The following PPP1R12B variants were observed in gnomAD, a reference collection of about 807,000 sequenced individuals.
PPP1R12B encodes protein phosphatase 1 regulatory subunit 12B, also known as myosin phosphatase target subunit 2.
A neutral mutation model predicts 126.1 loss-of-function variants in PPP1R12B; 76 were observed. The ratio of observed to expected loss-of-function variants is 0.60; its 90% CI spans 0.50 to 0.73. The LOEUF is 0.73. PPP1R12B is among the 30% of genes least tolerant of loss of function. The pLI is 0.00. For synonymous variants in PPP1R12B, 356 were observed against 434.7 expected (o/e 0.82, Z 2.25); for missense variants, 1,052 against 1,205.1 (o/e 0.87, Z 1.88).
At chr1:202,538,817 C>T (rs534918656) in intron 18 of PPP1R12B, among the ~76,000 whole-genome samples, 2 of 152,316 alleles carry the variant, frequency 1.3e-5, no homozygotes, top group South Asian at 4.1e-4. Flanking sequence ...ATTTCGTTTT[C>T]CCTGTACTAC....
chr1:202,366,260 T>G (rs1029806824), intron 1 of PPP1R12B, among the ~76,000 whole-genome samples: 3 of 152,168 alleles, frequency 2.0e-5, no homozygotes, highest in Admixed American at 6.5e-5. Context: ...GGCTCATGCC[T>G]GTAATCCCAG....
intron 18 of PPP1R12B, chr1:202,527,193 C>T (rs1683436118): frequency 6.6e-6 from 1 of 152,112 alleles, no homozygotes; most frequent in Non-Finnish European, 1.5e-5. Flanking sequence ...TTTCCAATGT[C>T]CACCTTGACT....
intron 1 of PPP1R12B, among the ~76,000 whole-genome samples, chr1:202,378,207 T>A (rs1169526522): frequency 6.8e-6 from 1 of 148,078 alleles, no homozygotes; most frequent in East Asian, 1.9e-4. Flanking sequence ...TTCTGTGCTC[T>A]CTTCTTCTTT....
At chr1:202,399,775 C>T (rs1240294617) in intron 1 of PPP1R12B, among the ~76,000 whole-genome samples, 1 of 152,196 alleles carries the variant, frequency 6.6e-6, no homozygotes, top group Non-Finnish European at 1.5e-5. Context: ...GGATTACAGG[C>T]ATGAGCCACT....
intron 23 of PPP1R12B, among the ~76,000 whole-genome samples, chr1:202,578,246 AT>A (rs1689269682): frequency 6.6e-6 from 1 of 152,138 alleles, no homozygotes. Flanking sequence ...TTGTTTATAC[AT>A]TTTTTAAGGC....
In PPP1R12B at chr1:202,588,498, T is replaced by A. The variant is rs1424427276; in HGVS notation, c.*7938T>A. ...GTTTGAAAGTTTGGGAATAATAATA[T>A]TCACTTCTATATGATGCCTGTAAAC... On this transcript the variant is annotated 3_prime_UTR_variant, in exon 24 of 24. Transcript: ENST00000608999. The A allele has an allele frequency of 1.3e-5, 2 of 152,610 alleles. No individual in the cohort carries two copies. Among genetic ancestry groups the A allele is most frequent in the Non-Finnish European group, 2.9e-5 (2 of 68,036 alleles). The allele number at this position is 152,610 out of a possible 1,614,324, so 9.5% of individuals were successfully genotyped here. A position where few individuals can be genotyped will look rare whatever the true frequency, so the allele number is the denominator to read the frequency against.
intron 18 of PPP1R12B, among the ~76,000 whole-genome samples, chr1:202,537,096 C>T (rs1288647253): frequency 2.6e-5 from 4 of 152,180 alleles, no homozygotes; most frequent in Non-Finnish European, 5.9e-5. Context: ...CGCCTGTAAT[C>T]CCAGCACCTT....
At chr1:202,389,490 A>G (rs1053866151) in intron 1 of PPP1R12B, among the ~76,000 whole-genome samples, 3 of 151,918 alleles carry the variant, frequency 2.0e-5, no homozygotes, top group East Asian at 1.9e-4. Flanking sequence ...TAAAAATACA[A>G]AAAATTAGCC....
chr1:202,564,956 A>T (rs1687922660), intron 21 of PPP1R12B, among the ~76,000 whole-genome samples: 1 of 152,230 alleles, frequency 6.6e-6, no homozygotes, highest in South Asian at 2.1e-4. Flanking sequence ...GCAGAGAGAT[A>T]ACAAATTAAG....
intron 18 of PPP1R12B, among the ~76,000 whole-genome samples, chr1:202,528,905 C>T (rs1486727582): frequency 6.6e-6 from 1 of 152,042 alleles, no homozygotes; most frequent in Non-Finnish European, 1.5e-5. Flanking sequence ...TTCAGAGCTA[C>T]AGCCATATTT....
chr1:202,585,803 T>TAAA lies in PPP1R12B; in HGVS notation c.*5243_*5244insAAA, dbSNP rs1372913907. 2.6e-5 allele frequency: 4 copies of TAAA among 152,202 alleles called. No homozygotes were observed. The highest frequency in any genetic ancestry group is 5.9e-5 in the Non-Finnish European group (4 of 68,028). The allele number at this position is 152,202 out of a possible 1,614,324, so 9.4% of individuals were successfully genotyped here. On this transcript the variant is annotated 3_prime_UTR_variant, in exon 24 of 24. Transcript: ENST00000608999. ...TATTAAAGCCTGCAGAGGTGGAAATTGGAGCTCATGGAGAAATGGATAGAA... is the reference window on the plus strand; with the variant it reads ...TATTAAAGCCTGCAGAGGTGGAAATTAAAGGAGCTCATGGAGAAATGGATAGAA...
At chr1:202,523,475 ATGTAG>A (rs933128252) in intron 18 of PPP1R12B, among the ~76,000 whole-genome samples, 1 of 152,218 alleles carries the variant, frequency 6.6e-6, no homozygotes, top group African/African-American at 2.4e-5. Context: ...ATTTCTTCAG[ATGTAG>A]TGTAGTGAGG....
intron 23 of PPP1R12B, among the ~76,000 whole-genome samples, chr1:202,578,148 G>A (rs1689260877): frequency 6.6e-6 from 1 of 152,044 alleles, no homozygotes; most frequent in Admixed American, 6.5e-5. Flanking sequence ...TGTTGCAGCT[G>A]CAAAACTGCC....
Position 202,440,769 on chromosome 1 carries a change from A to T in PPP1R12B, c.1522A>T (p.Ile508Phe). The change falls in exon 11 of 24, where the codon ATT becomes TTT. Residue 508 changes from isoleucine to phenylalanine, a missense_variant. Transcript: ENST00000608999. ...APRKLNSTSD[I>F]EEKENRESAV... Reference sequence around the variant, plus strand: ...CCGGAAGCTCAACAGCACAAGTGATATTGAAGAAAAGGAGAACAGGTAATC... The same window carrying T: ...CCGGAAGCTCAACAGCACAAGTGATTTTGAAGAAAAGGAGAACAGGTAATC... 1 of 1,613,846 alleles carries T rather than the reference A, an allele frequency of 6.2e-7. No homozygotes were observed. The highest frequency in any genetic ancestry group is 8.5e-7 in the Non-Finnish European group (1 of 1,179,740).
intron 1 of PPP1R12B, among the ~76,000 whole-genome samples, chr1:202,388,480 A>G (rs949733274): frequency 2.0e-5 from 3 of 152,244 alleles, no homozygotes; most frequent in Admixed American, 1.3e-4. Context: ...TGCTGGGATT[A>G]CAGGTGTGAG....
intron 18 of PPP1R12B, among the ~76,000 whole-genome samples, chr1:202,521,258 A>C (rs1167535589): frequency 2.6e-5 from 4 of 152,184 alleles, no homozygotes; most frequent in African/African-American, 9.7e-5. Context: ...AGGCAACTTA[A>C]AACTGCCCTA....
chr1:202,437,930 C>T lies in PPP1R12B; in HGVS notation c.1364C>T (p.Ala455Val), dbSNP rs1671047414. The part of the protein sequence containing the change: ...TGSHNMLSEV[A>V]NSREPIRDRG... ...AGCCACAACATGCTGAGTGAGGTGG[C>T]CAATTCCAGGGAACCTATAAGGGAC... The change falls in exon 10 of 24, where the codon GCC becomes GTC. Residue 455 changes from alanine to valine, a missense_variant. Physicochemically the swap from Ala to Val is moderately conservative, Grantham distance 64. Coordinates refer to ENST00000608999, the MANE Select transcript of PPP1R12B (RefSeq NM_002481.4). 1 of 1,613,946 alleles carries T rather than the reference C, an allele frequency of 6.2e-7. No individual in the cohort carries two copies. Among genetic ancestry groups the T allele is most frequent in the Non-Finnish European group, 8.5e-7 (1 of 1,179,980 alleles).
chr1:202,365,040 T>G (rs1204752545), intron 1 of PPP1R12B, among the ~76,000 whole-genome samples: 1 of 152,216 alleles, frequency 6.6e-6, no homozygotes, highest in Admixed American at 6.5e-5. Flanking sequence ...AAAAAACAAT[T>G]AGTACAAATA....
intron 18 of PPP1R12B, chr1:202,502,235 T>C (rs1190406739): frequency 5.8e-5 from 57 of 984,534 alleles, no homozygotes; most frequent in Non-Finnish European, 6.3e-5. Context: ...AAAGAGTTAC[T>C]AAATTATAGA....
Sources: gnomAD v4.1 joint callset for allele counts (sites outside exome capture counted in the v4.1 genomes callset) on GRCh38, gnomAD v4.1.1 for gene constraint, MANE v1.5 for transcripts, NCBI Gene and HGNC (gene_info 2026-07-23, HGNC 2026-07-21) for gene names.